HERPUD2: variants seen among roughly 807,000 people sequenced by gnomAD.
HERPUD2 encodes homocysteine-responsive endoplasmic reticulum-resident ubiquitin-like domain member 2 protein.
In HERPUD2, 13 loss-of-function variants were observed where a neutral mutation model predicts 49.9. That is an observed-to-expected ratio of 0.26 (90% CI 0.17 to 0.41). HERPUD2 has a LOEUF of 0.41. HERPUD2 is among the 10% of genes least tolerant of loss of function. The pLI, the probability that HERPUD2 is intolerant of heterozygous loss-of-function variation, is 1.00. For missense variants in HERPUD2, 449 were observed against 492.2 expected, an observed-to-expected ratio of 0.91 and a Z score of 0.83; for synonymous variants, 172 against 171.4, an observed-to-expected ratio of 1.00 and a Z score of -0.03.
intron 4 of HERPUD2, among the ~76,000 whole-genome samples, chr7:35,667,853 A>T (rs1411554879): frequency 6.6e-6 from 1 of 152,198 alleles, no homozygotes; most frequent in East Asian, 1.9e-4. Context: ...CAAAAACAGC[A>T]TATTAAATTC....
intron 5 of HERPUD2, among the ~76,000 whole-genome samples, chr7:35,641,911 A>G (rs1784972988): frequency 6.6e-6 from 1 of 152,198 alleles, no homozygotes; most frequent in Non-Finnish European, 1.5e-5. Context: ...ATGGGGAAAG[A>G]TTTCATGACA....
intron 4 of HERPUD2, among the ~76,000 whole-genome samples, chr7:35,669,303 A>C (rs1785599599): frequency 6.6e-6 from 1 of 152,184 alleles, no homozygotes; most frequent in Admixed American, 6.6e-5. Context: ...AATACAAATT[A>C]AATACAGCAA....
At chr7:35,638,645 G>GT (rs1475962352) in intron 5 of HERPUD2, among the ~76,000 whole-genome samples, 173 bp from the exon 6 acceptor site, 1 of 152,118 alleles carries the variant, frequency 6.6e-6, no homozygotes, top group East Asian at 1.9e-4. Flanking sequence ...TCTTACATAA[G>GT]TTGACCCAGG....
chr7:35,651,524 C>A (rs553291261), intron 5 of HERPUD2, among the ~76,000 whole-genome samples: 1 of 152,154 alleles, frequency 6.6e-6, no homozygotes. Flanking sequence ...GGTATACATA[C>A]AGAATCAAAG....
chr7:35,657,320 C>T (rs1412206953), intron 5 of HERPUD2, among the ~76,000 whole-genome samples: 1 of 151,812 alleles, frequency 6.6e-6, no homozygotes, highest in African/African-American at 2.4e-5. Flanking sequence ...TTAATTTTAC[C>T]CCTGTTAGAA....
intron 5 of HERPUD2, among the ~76,000 whole-genome samples, chr7:35,665,132 C>T (rs1190990618): frequency 6.6e-6 from 1 of 152,254 alleles, no homozygotes; most frequent in African/African-American, 2.4e-5. Flanking sequence ...AGAACCACTA[C>T]TCTCTTCAAA....
At chr7:35,691,103 C>T (rs1225217823) in intron 2 of HERPUD2, among the ~76,000 whole-genome samples, 2 of 152,162 alleles carry the variant, frequency 1.3e-5, no homozygotes, top group African/African-American at 4.8e-5. Context: ...ATCATCTTCA[C>T]ACTTAGCATA....
intron 2 of HERPUD2, among the ~76,000 whole-genome samples, chr7:35,689,218 A>G (rs1197858830): frequency 1.3e-5 from 2 of 152,228 alleles, no homozygotes; most frequent in African/African-American, 4.8e-5. Context: ...ACATTAAGCA[A>G]TAAAATTTTA....
At chr7:35,692,771 C>T (rs1786220623) in intron 2 of HERPUD2, among the ~76,000 whole-genome samples, 1 of 152,172 alleles carries the variant, frequency 6.6e-6, no homozygotes, top group South Asian at 2.1e-4. Flanking sequence ...GGTTCTTCTG[C>T]AAGTCTAAAA....
chr7:35,654,238 CACAAT>C (rs1785229030), intron 5 of HERPUD2, among the ~76,000 whole-genome samples: 1 of 149,976 alleles, frequency 6.7e-6, no homozygotes, highest in African/African-American at 2.4e-5. Context: ...ACTGAAAAAA[CACAAT>C]ACAAAAGATC....
intron 3 of HERPUD2, 96 bp downstream of exon 3, chr7:35,673,105 G>C: frequency 1.2e-6 from 1 of 815,668 alleles, no homozygotes; most frequent in Non-Finnish European, 2.0e-6. Context: ...TTGATTTTAA[G>C]TATCTAAAAA....
At chr7:35,676,592 AC>A (rs1185322959) in intron 2 of HERPUD2, among the ~76,000 whole-genome samples, 4 of 152,194 alleles carry the variant, frequency 2.6e-5, no homozygotes, top group African/African-American at 7.2e-5. Flanking sequence ...GTATCTAAAG[AC>A]CAAAATCTGG....
rs561642048 is a variant in HERPUD2, at chr7:35,670,235, A to G, written c.319T>C (p.Leu107=). The G allele has an allele frequency of 8.3e-6, 13 of 1,570,120 alleles. No homozygotes were observed. Among genetic ancestry groups the G allele is most frequent in the African/African-American group, 2.8e-5 (2 of 72,670 alleles). ...CTCACAGAATTGCTGCTGGATGCCAATGCTTCATGACTTTCTCTATTGGTG... is the reference window on the plus strand; with the variant it reads ...CTCACAGAATTGCTGCTGGATGCCAGTGCTTCATGACTTTCTCTATTGGTG... ...SSTNRESHEA[L]ASSSNSSSDH... The change falls in exon 4 of 9, where the codon TTG becomes CTG. Residue 107 remains leucine, a synonymous_variant. Transcript: ENST00000311350.
chr7:35,636,588 G>C (rs1324958190), intron 6 of HERPUD2, among the ~76,000 whole-genome samples: 1 of 152,178 alleles, frequency 6.6e-6, no homozygotes, highest in African/African-American at 2.4e-5. Flanking sequence ...GCATCCAGCA[G>C]AGTACTGAGC....
At chr7:35,659,827 G>A (rs914289957) in intron 5 of HERPUD2, among the ~76,000 whole-genome samples, 8 of 151,770 alleles carry the variant, frequency 5.3e-5, no homozygotes, top group African/African-American at 1.9e-4. Context: ...AAATATTTGA[G>A]ATTTTTCTTT....
chr7:35,656,080 T>C (rs1409482867), intron 5 of HERPUD2, among the ~76,000 whole-genome samples: 1 of 152,108 alleles, frequency 6.6e-6, no homozygotes, highest in Non-Finnish European at 1.5e-5. Flanking sequence ...GAGAATCTCT[T>C]GAACCAGAGA....
intron 2 of HERPUD2, among the ~76,000 whole-genome samples, chr7:35,692,224 G>C (rs904561657): frequency 1.3e-5 from 2 of 152,210 alleles, no homozygotes; most frequent in Non-Finnish European, 2.9e-5. Flanking sequence ...CTAGTGATCA[G>C]TGCTGCACAG....
chr7:35,662,643 T>C (rs1245606694), intron 5 of HERPUD2, among the ~76,000 whole-genome samples: 2 of 152,188 alleles, frequency 1.3e-5, no homozygotes, highest in Non-Finnish European at 2.9e-5. Flanking sequence ...TTCTTCTAGA[T>C]TTTCTAGTTT....
At chr7:35,691,559 C>A (rs1233396396) in intron 2 of HERPUD2, among the ~76,000 whole-genome samples, 1 of 152,176 alleles carries the variant, frequency 6.6e-6, no homozygotes, top group African/African-American at 2.4e-5. Context: ...TCCTACAAAG[C>A]ACTGGAGCCC....
Sources: allele counts gnomAD v4.1 joint callset (sites outside exome capture counted in the v4.1 genomes callset), GRCh38; gene constraint gnomAD v4.1.1; transcripts MANE v1.5; gene names NCBI Gene and HGNC (gene_info 2026-07-23, HGNC 2026-07-21).